ZBTB20: variants seen among roughly 807,000 people sequenced by gnomAD.
ZBTB20 encodes zinc finger and BTB domain containing 20.
Under a neutral mutation model 56.9 loss-of-function variants are expected in ZBTB20, and 9 were observed. The observed-to-expected ratio is 0.16, with a 90% CI of 0.10 to 0.28. The LOEUF is 0.28. ZBTB20 is among the 10% of genes least tolerant of loss of function. ZBTB20 has a pLI of 1.00. For missense variants in ZBTB20, 655 were observed against 1,003.0 expected, an observed-to-expected ratio of 0.65 and a Z score of 4.69; for synonymous variants, 417 against 420.7, an observed-to-expected ratio of 0.99 and a Z score of 0.11.
At chr3:115,128,361 C>A (rs1260178465) in intron 1 of ZBTB20, among the ~76,000 whole-genome samples, 1 of 151,936 alleles carries the variant, frequency 6.6e-6, no homozygotes, top group Non-Finnish European at 1.5e-5. Context: ...AGTCCATTTA[C>A]AGAAATGAAA....
At chr3:114,509,887 A>C (rs1382288912) in intron 6 of ZBTB20, among the ~76,000 whole-genome samples, 1 of 152,034 alleles carries the variant, frequency 6.6e-6, no homozygotes, top group Non-Finnish European at 1.5e-5. Flanking sequence ...TCTTGTATTC[A>C]CCTATTAATG....
At chr3:114,939,556 T>C (rs1190947599) in intron 3 of ZBTB20, among the ~76,000 whole-genome samples, 1 of 146,426 alleles carries the variant, frequency 6.8e-6, no homozygotes, top group African/African-American at 2.8e-5. Flanking sequence ...TTAAAATTTA[T>C]GACCTTTAGC....
intron 10 of ZBTB20, among the ~76,000 whole-genome samples, chr3:114,373,804 G>A (rs1390338516): frequency 6.6e-6 from 1 of 152,132 alleles, no homozygotes. Context: ...CTGAATTAAT[G>A]ACTAAATGAA....
At chr3:114,948,297 C>G (rs1235730509) in intron 3 of ZBTB20, among the ~76,000 whole-genome samples, 1 of 144,248 alleles carries the variant, frequency 6.9e-6, no homozygotes, top group Admixed American at 6.7e-5. Context: ...AGCAAACTCA[C>G]GAATTGAAGA....
chr3:114,352,926 C>G (rs890847453), intron 10 of ZBTB20, among the ~76,000 whole-genome samples: 13 of 152,168 alleles, frequency 8.5e-5, no homozygotes, highest in Non-Finnish European at 1.3e-4. Context: ...AGGAAGGCAA[C>G]AGCTATGTGG....
intron 5 of ZBTB20, among the ~76,000 whole-genome samples, chr3:114,718,434 T>C (rs1198750988): frequency 1.3e-5 from 2 of 152,154 alleles, no homozygotes; most frequent in South Asian, 4.1e-4. Flanking sequence ...CACTTTCATC[T>C]CAAGAGAAAA....
intron 3 of ZBTB20, among the ~76,000 whole-genome samples, chr3:114,933,372 C>A (rs2076424740): frequency 6.6e-6 from 1 of 152,180 alleles, no homozygotes; most frequent in Admixed American, 6.5e-5. Flanking sequence ...AAAGAACATG[C>A]CTCACAGTTA....
intron 1 of ZBTB20, among the ~76,000 whole-genome samples, chr3:115,098,289 T>C (rs1291606075): frequency 6.6e-6 from 1 of 152,170 alleles, no homozygotes; most frequent in African/African-American, 2.4e-5. Context: ...AAGATTTCTA[T>C]TGATAAAAAC....
At chr3:114,445,029 A>G (rs1204449072) in intron 7 of ZBTB20, among the ~76,000 whole-genome samples, 2 of 152,186 alleles carry the variant, frequency 1.3e-5, no homozygotes, top group African/African-American at 2.4e-5. Context: ...AAGCTCCAAG[A>G]TACAGTGATT....
At position 114,957,124 on chromosome 3, in the gene ZBTB20, T is replaced by C. The variant is rs564277190; in HGVS notation, c.-456+17242A>G. On this transcript the variant is annotated intron_variant, in intron 3 of 11. Transcript: ENST00000675478. ...TGGACAATAGTTACACATGAAAATG[T>C]TGTGTTCTGCTTAGGTTATAAGGAA... 6.6e-5 allele frequency among the ~76,000 whole-genome samples: 10 copies of C among 152,312 alleles called. No homozygotes were observed. In the East Asian group the frequency reaches 1.5e-3, roughly 24 times the overall value.
At chr3:114,848,119 C>T (rs1315745160) in intron 4 of ZBTB20, among the ~76,000 whole-genome samples, 9 of 152,052 alleles carry the variant, frequency 5.9e-5, no homozygotes, top group Non-Finnish European at 1.3e-4. Flanking sequence ...AGCCATTGTT[C>T]GTGCTGCCAG....
chr3:115,084,285 CA>C (rs11426311), intron 1 of ZBTB20, among the ~76,000 whole-genome samples: 27,198 of 119,536 alleles, frequency 0.23, 2,660 homozygotes, highest in East Asian at 0.61. Flanking sequence ...TGAAGAGTGC[CA>C]AAAAAAAAAA....
chr3:114,968,377 T>G (rs1029234300), intron 3 of ZBTB20, among the ~76,000 whole-genome samples: 1 of 152,192 alleles, frequency 6.6e-6, no homozygotes, highest in Non-Finnish European at 1.5e-5. Flanking sequence ...TGTGAGTAAT[T>G]TGACAAATGC....
chr3:114,892,877 G>A lies in ZBTB20; in HGVS notation c.-417+7427C>T, dbSNP rs186371396. On this transcript the variant is annotated intron_variant, in intron 4 of 11. Transcript: ENST00000675478. The stretch of plus-strand genomic sequence containing the variant: ...TATAAAGTGATCATTCCATCACCAG[G>A]CATAAGAGAAAAGATGGGGGAATGC... Among the ~76,000 whole-genome samples, 8 of 152,244 alleles carry A rather than the reference G, an allele frequency of 5.3e-5. No individual in the cohort carries two copies. In the East Asian group the frequency reaches 1.5e-3, roughly 29 times the overall value.
intron 6 of ZBTB20, among the ~76,000 whole-genome samples, chr3:114,557,688 A>G (rs1459614492): frequency 6.6e-6 from 1 of 151,960 alleles, no homozygotes; most frequent in Non-Finnish European, 1.5e-5. Context: ...CCCTTTTCAA[A>G]AAGGCTCCCA....
At chr3:114,940,092 T>C (rs199760364) in intron 3 of ZBTB20, among the ~76,000 whole-genome samples, 1 of 866 alleles carries the variant, frequency 1.2e-3, no homozygotes. Context: ...AGTGCATTCA[T>C]TTTTTCAACA....
intron 5 of ZBTB20, among the ~76,000 whole-genome samples, chr3:114,731,161 A>C (rs1226318885): frequency 3.3e-5 from 5 of 152,182 alleles, no homozygotes; most frequent in Non-Finnish European, 5.9e-5. Flanking sequence ...ACTTGAAGAT[A>C]GTTATTACAT....
intron 4 of ZBTB20, among the ~76,000 whole-genome samples, chr3:114,844,172 T>A (rs1427469764): frequency 6.6e-6 from 1 of 151,332 alleles, no homozygotes; most frequent in Non-Finnish European, 1.5e-5. Flanking sequence ...CATAAATGGA[T>A]CTCAAAGTCA....
At chr3:114,959,455 T>C (rs533306477) in intron 3 of ZBTB20, among the ~76,000 whole-genome samples, 1 of 152,128 alleles carries the variant, frequency 6.6e-6, no homozygotes, top group South Asian at 2.1e-4. Flanking sequence ...AGTTAAAAAA[T>C]ATCCAAAGGA....
Sources: allele counts gnomAD v4.1 joint callset (sites outside exome capture counted in the v4.1 genomes callset), GRCh38; gene constraint gnomAD v4.1.1; transcripts MANE v1.5; gene names NCBI Gene and HGNC (gene_info 2026-07-23, HGNC 2026-07-21).